CSRNP3: variants seen among roughly 807,000 people sequenced by gnomAD.
CSRNP3 encodes cysteine/serine-rich nuclear protein 3.
Under a neutral mutation model 48.0 loss-of-function variants are expected in CSRNP3, and 12 were observed. That is an observed-to-expected ratio of 0.25 (90% CI 0.16 to 0.41). The LOEUF is 0.41. CSRNP3 is among the 10% of genes least tolerant of loss of function. The pLI, the probability that CSRNP3 is intolerant of heterozygous loss-of-function variation, is 1.00. For synonymous variants in CSRNP3, 263 were observed against 269.7 expected (o/e 0.98, Z 0.24); for missense variants, 580 against 724.4 (o/e 0.80, Z 2.29).
At chr2:165,648,656 TG>T in intron 4 of CSRNP3, among the ~76,000 whole-genome samples, 1 of 152,158 alleles carries the variant, frequency 6.6e-6, no homozygotes, top group Admixed American at 6.5e-5. Context: ...TGTTGTTTTT[TG>T]TAGATTACTC....
chr2:165,534,407 T>C (rs1316153643), intron 3 of CSRNP3, among the ~76,000 whole-genome samples: 1 of 152,006 alleles, frequency 6.6e-6, no homozygotes, highest in Non-Finnish European at 1.5e-5. Flanking sequence ...CAGATTCTTT[T>C]ATATATTACT....
intron 4 of CSRNP3, among the ~76,000 whole-genome samples, chr2:165,596,597 A>T (rs139076255): frequency 5.7e-4 from 87 of 152,344 alleles, no homozygotes; most frequent in African/African-American, 2.0e-3. Context: ...AGAAAAATTT[A>T]TAAAATATTC....
At chr2:165,538,521 A>C (rs932452431) in intron 3 of CSRNP3, among the ~76,000 whole-genome samples, 6 of 152,032 alleles carry the variant, frequency 3.9e-5, no homozygotes, top group East Asian at 1.9e-4. Context: ...CTCACAACTC[A>C]TGGCGAAGAA....
chr2:165,496,618 G>C (rs945785221), intron 2 of CSRNP3, among the ~76,000 whole-genome samples: 1 of 151,978 alleles, frequency 6.6e-6, no homozygotes, highest in African/African-American at 2.4e-5. Flanking sequence ...ACTTGGGAGA[G>C]CTCTTCTTTT....
intron 4 of CSRNP3, among the ~76,000 whole-genome samples, chr2:165,656,191 C>T (rs1051385074): frequency 2.6e-5 from 4 of 152,202 alleles, no homozygotes; most frequent in Non-Finnish European, 5.9e-5. Context: ...TTACCTGTCT[C>T]ACTAACAGTC....
intron 5 of CSRNP3, among the ~76,000 whole-genome samples, chr2:165,669,058 T>A (rs1687284917): frequency 6.6e-6 from 1 of 152,256 alleles, no homozygotes; most frequent in Admixed American, 6.5e-5. Flanking sequence ...ATATACAGTA[T>A]GGAACTTAAT....
intron 3 of CSRNP3, among the ~76,000 whole-genome samples, chr2:165,550,169 A>G (rs1685079355): frequency 6.6e-6 from 1 of 152,208 alleles, no homozygotes; most frequent in African/African-American, 2.4e-5. Context: ...TTAATAAAAA[A>G]TCCATCACAT....
intron 3 of CSRNP3, among the ~76,000 whole-genome samples, chr2:165,542,431 T>C (rs957541053): frequency 1.3e-5 from 2 of 152,184 alleles, no homozygotes; most frequent in African/African-American, 4.8e-5. Context: ...TGTAAGCATA[T>C]ATGTACATAA....
At chr2:165,545,690 C>T (rs1685015943) in intron 3 of CSRNP3, among the ~76,000 whole-genome samples, 1 of 151,966 alleles carries the variant, frequency 6.6e-6, no homozygotes, top group South Asian at 2.1e-4. Context: ...TGAGTTCTGG[C>T]CCATTAAATA....
chr2:165,556,313 G>A (rs922729438), intron 3 of CSRNP3, among the ~76,000 whole-genome samples: 1 of 152,154 alleles, frequency 6.6e-6, no homozygotes, highest in Non-Finnish European at 1.5e-5. Context: ...TAGGTTCACT[G>A]TTTGACACAC....
At chr2:165,539,683 A>G (rs955691068) in intron 3 of CSRNP3, among the ~76,000 whole-genome samples, 1 of 152,080 alleles carries the variant, frequency 6.6e-6, no homozygotes, top group Non-Finnish European at 1.5e-5. Flanking sequence ...ATTTAAATCA[A>G]CGTGAATTTA....
chr2:165,674,321 C>T (rs1020402730), intron 5 of CSRNP3, among the ~76,000 whole-genome samples: 2 of 151,998 alleles, frequency 1.3e-5, no homozygotes, highest in African/African-American at 4.8e-5. Context: ...GTTACTACAG[C>T]TTTACCTATC....
chr2:165,493,154 G>A (rs1684242255), intron 1 of CSRNP3, among the ~76,000 whole-genome samples: 1 of 151,770 alleles, frequency 6.6e-6, no homozygotes, highest in African/African-American at 2.4e-5. Context: ...AGGTGAGCAT[G>A]ATGTCCATGA....
chr2:165,481,204 C>T (rs987065905), intron 1 of CSRNP3, among the ~76,000 whole-genome samples: 8 of 152,010 alleles, frequency 5.3e-5, no homozygotes, highest in Non-Finnish European at 7.4e-5. Flanking sequence ...TATATGCTCA[C>T]GTTAATAGTG....
intron 4 of CSRNP3, among the ~76,000 whole-genome samples, chr2:165,627,728 C>G (rs955832390): frequency 6.6e-6 from 1 of 152,176 alleles, no homozygotes; most frequent in Non-Finnish European, 1.5e-5. Context: ...CTTACTCTCA[C>G]AATCGACTCC....
At chr2:165,574,199 T>G (rs1310794242) in intron 3 of CSRNP3, 5 of 548,408 alleles carry the variant, frequency 9.1e-6, no homozygotes, top group Non-Finnish European at 1.6e-5. Context: ...GAGGACTGCC[T>G]GAGCCTTATG....
chr2:165,569,604 T>A (rs1685342093), intron 3 of CSRNP3, among the ~76,000 whole-genome samples: 1 of 152,022 alleles, frequency 6.6e-6, no homozygotes, highest in Non-Finnish European at 1.5e-5. Flanking sequence ...AAAACATCCT[T>A]TTAATCTTGG....
chr2:165,485,013 G>A (rs1010356110), intron 1 of CSRNP3, among the ~76,000 whole-genome samples: 1 of 151,888 alleles, frequency 6.6e-6, no homozygotes, highest in Non-Finnish European at 1.5e-5. Context: ...TGATTATTCT[G>A]TGTCTTAATC....
intron 4 of CSRNP3, among the ~76,000 whole-genome samples, chr2:165,604,436 G>A (rs1406842879): frequency 1.3e-5 from 2 of 152,118 alleles, no homozygotes; most frequent in African/African-American, 4.8e-5. Flanking sequence ...CTTCACAATG[G>A]TACAAACATT....
Sources: allele counts gnomAD v4.1 joint callset (sites outside exome capture counted in the v4.1 genomes callset), GRCh38; gene constraint gnomAD v4.1.1; transcripts MANE v1.5; gene names NCBI Gene and HGNC (gene_info 2026-07-23, HGNC 2026-07-21).